CTNNA1: variants seen among roughly 807,000 people sequenced by gnomAD.
CTNNA1 encodes the protein catenin alpha-1.
Under a neutral mutation model 98.4 loss-of-function variants are expected in CTNNA1, and 37 were observed. The ratio of observed to expected loss-of-function variants is 0.38; its 90% CI spans 0.29 to 0.49. The LOEUF is 0.49. Ranked by LOEUF, CTNNA1 falls within the 20% of genes least tolerant of loss-of-function variation. The pLI is 0.95. For synonymous variants in CTNNA1, 404 were observed against 413.2 expected (o/e 0.98, Z 0.27); for missense variants, 761 against 1,147.2 (o/e 0.66, Z 4.86).
intron 13 of CTNNA1, among the ~76,000 whole-genome samples, chr5:138,927,086 T>C (rs990682066): frequency 5.3e-5 from 8 of 152,208 alleles, no homozygotes; most frequent in Non-Finnish European, 1.0e-4. Flanking sequence ...CACCCTCGTC[T>C]AAGCCACCAG....
intron 3 of CTNNA1, among the ~76,000 whole-genome samples, chr5:138,798,456 A>G (rs1159907420): frequency 2.0e-5 from 3 of 152,222 alleles, no homozygotes; most frequent in African/African-American, 2.4e-5. Flanking sequence ...TAAAGGAGCA[A>G]TGTAACAGGT....
chr5:138,918,311 T>C (rs1174122595), intron 11 of CTNNA1, among the ~76,000 whole-genome samples: 2 of 152,212 alleles, frequency 1.3e-5, no homozygotes, highest in Admixed American at 1.3e-4. Context: ...TTATTTGTTA[T>C]CAGCCTATGA....
intron 3 of CTNNA1, among the ~76,000 whole-genome samples, chr5:138,792,175 A>G (rs1464064638): frequency 1.3e-5 from 2 of 152,184 alleles, no homozygotes; most frequent in Non-Finnish European, 2.9e-5. Flanking sequence ...ATTTGTATAT[A>G]GGGAGAAAAA....
At chr5:138,853,262 G>A (rs1314560818) in intron 7 of CTNNA1, among the ~76,000 whole-genome samples, 1 of 151,854 alleles carries the variant, frequency 6.6e-6, no homozygotes, top group African/African-American at 2.4e-5. Context: ...CATTATTAAA[G>A]TTGCATTTCC....
intron 6 of CTNNA1, among the ~76,000 whole-genome samples, chr5:138,826,626 A>T (rs923265563): frequency 6.6e-6 from 1 of 152,192 alleles, no homozygotes; most frequent in Non-Finnish European, 1.5e-5. Context: ...AGAATACTAG[A>T]GGTCTTTGAG....
intron 7 of CTNNA1, among the ~76,000 whole-genome samples, chr5:138,843,594 A>T (rs1171650548): frequency 2.0e-5 from 3 of 152,198 alleles, no homozygotes; most frequent in African/African-American, 7.2e-5. Context: ...TGCAATTAGT[A>T]ATGGAAACTG....
intron 1 of CTNNA1, among the ~76,000 whole-genome samples, chr5:138,775,129 T>G (rs1236216166): frequency 6.6e-6 from 1 of 152,228 alleles, no homozygotes; most frequent in Non-Finnish European, 1.5e-5. Context: ...CACTTAACTT[T>G]CCTCTTGGCT....
chr5:138,767,713 T>G (rs1753091394), intron 1 of CTNNA1, among the ~76,000 whole-genome samples: 1 of 152,178 alleles, frequency 6.6e-6, no homozygotes, highest in African/African-American at 2.4e-5. Context: ...TTTTTCAAAT[T>G]TTCTCAATTA....
At chr5:138,878,378 C>G (rs1386378190) in intron 7 of CTNNA1, among the ~76,000 whole-genome samples, 2 of 152,194 alleles carry the variant, frequency 1.3e-5, no homozygotes, top group Non-Finnish European at 2.9e-5. Flanking sequence ...GGCTACATAT[C>G]TATTTTTCTA....
chr5:138,924,275 ATTTTTTGTTTTT>A (rs1371107610), intron 11 of CTNNA1, among the ~76,000 whole-genome samples: 2 of 128,536 alleles, frequency 1.6e-5, no homozygotes, highest in African/African-American at 3.0e-5. Flanking sequence ...TGTGTTTTTT[ATTTTTTGTTTTT>A]TTTTTTTTAA....
intron 7 of CTNNA1, among the ~76,000 whole-genome samples, chr5:138,837,327 T>C (rs1483626539): frequency 6.6e-6 from 1 of 152,218 alleles, no homozygotes; most frequent in Non-Finnish European, 1.5e-5. Context: ...TGACAAATTA[T>C]AGTTCTCAGG....
In CTNNA1 at chr5:138,929,232, T is replaced by TG. The variant is rs2150324492; in HGVS notation, c.1900-13dup. ...AGAGATGTGTCTGACCTGTGATCTTTGTCTGGGTGGCAGACCCCTGAGGAG... is the reference window on the plus strand; with the variant it reads ...AGAGATGTGTCTGACCTGTGATCTTTGGTCTGGGTGGCAGACCCCTGAGGAG... On this transcript the variant is annotated splice_polypyrimidine_tract_variant and intron_variant, in intron 13 of 17. Coordinates refer to ENST00000302763, the MANE Select transcript of CTNNA1 (RefSeq NM_001903.5). The TG allele has an allele frequency of 7.0e-7, 1 of 1,438,434 alleles. No individual in the cohort carries two copies. Among genetic ancestry groups the TG allele is most frequent in the Non-Finnish European group, 9.8e-7 (1 of 1,019,638 alleles). 89.1% of individuals were successfully genotyped at this position (1,438,434 alleles called of 1,614,324 possible). A position where few individuals can be genotyped will look rare whatever the true frequency, so the allele number is the denominator to read the frequency against.
chr5:138,872,114 A>G (rs2149924806), intron 7 of CTNNA1: 1 of 151,056 alleles, frequency 6.6e-6, no homozygotes, highest in African/African-American at 2.4e-5. Context: ...AAATTGACTC[A>G]GTTTGTCTTG....
At chr5:138,933,682 G>A (rs1278530460) in intron 17 of CTNNA1, 120 bp from the exon 18 acceptor site, 10 of 1,032,932 alleles carry the variant, frequency 9.7e-6, no homozygotes, top group Non-Finnish European at 1.2e-5. Flanking sequence ...AATCCTCTGC[G>A]ACCTGCCCAG....
chr5:138,827,901 C>T, intron 7 of CTNNA1, 183 bp downstream of exon 7: 1 of 650,524 alleles, frequency 1.5e-6, no homozygotes, highest in South Asian at 2.0e-5. Flanking sequence ...CTCTCTCCAG[C>T]TTATTGAGAA....
At chr5:138,918,935 C>CTA (rs1762362135) in intron 11 of CTNNA1, among the ~76,000 whole-genome samples, 1 of 152,168 alleles carries the variant, frequency 6.6e-6, no homozygotes, top group Non-Finnish European at 1.5e-5. Flanking sequence ...CAGCAGTGAC[C>CTA]TATATAAGGG....
chr5:138,794,370 AC>A (rs1477311312), intron 3 of CTNNA1, among the ~76,000 whole-genome samples: 2 of 152,168 alleles, frequency 1.3e-5, no homozygotes, highest in Non-Finnish European at 2.9e-5. Context: ...AAACAAAAAA[AC>A]AACTGCATCC....
intron 1 of CTNNA1, among the ~76,000 whole-genome samples, chr5:138,775,514 A>AT (rs1366266676): frequency 6.6e-6 from 1 of 152,124 alleles, no homozygotes; most frequent in African/African-American, 2.4e-5. Context: ...ATCTCTAGTG[A>AT]TTCTAGATTT....
chr5:138,884,562 C>G (rs936256850), intron 7 of CTNNA1, among the ~76,000 whole-genome samples: 3 of 152,296 alleles, frequency 2.0e-5, no homozygotes, highest in Admixed American at 2.0e-4. Flanking sequence ...GGATTTCTTT[C>G]AGGGCCTGCT....
Sources: gnomAD v4.1 joint callset for allele counts (sites outside exome capture counted in the v4.1 genomes callset) on GRCh38, gnomAD v4.1.1 for gene constraint, MANE v1.5 for transcripts, NCBI Gene and HGNC (gene_info 2026-07-23, HGNC 2026-07-21) for gene names.